RALGAPA2: variants seen among roughly 807,000 people sequenced by gnomAD.
The protein encoded by RALGAPA2 is Ral GTPase activating protein catalytic subunit alpha 2.
In RALGAPA2, 139 loss-of-function variants were observed where a neutral mutation model predicts 230.4. The observed-to-expected ratio is 0.60, with a 90% confidence interval of 0.53 to 0.69. The LOEUF is 0.69. Among genes scored for constraint, RALGAPA2 ranks in the 30% least tolerant of loss-of-function variants. The pLI is 0.00. For missense variants in RALGAPA2, 2,163 were observed against 2,276.0 expected, an observed-to-expected ratio of 0.95 and a Z score of 1.01; for synonymous variants, 847 against 837.8, an observed-to-expected ratio of 1.01 and a Z score of -0.19.
intron 15 of RALGAPA2, among the ~76,000 whole-genome samples, chr20:20,603,490 T>C (rs2146222359): frequency 6.6e-6 from 1 of 152,296 alleles, no homozygotes; most frequent in Admixed American, 6.5e-5. Flanking sequence ...ACTTACTTGG[T>C]AGCAAAACTG....
At chr20:20,439,818 G>A (rs1249389766) in intron 37 of RALGAPA2, among the ~76,000 whole-genome samples, 2 of 152,186 alleles carry the variant, frequency 1.3e-5, no homozygotes, top group Admixed American at 1.3e-4. Flanking sequence ...ACAAGGTGCT[G>A]TTCAGCTGTA....
In RALGAPA2 at chr20:20,482,746, G is replaced by A. The variant is rs575684566; in HGVS notation, c.5368-9790C>T. 7.9e-5 allele frequency among the ~76,000 whole-genome samples: 12 copies of A among 152,282 alleles called. 1 individual carries two copies. In the East Asian group the frequency reaches 2.3e-3, roughly 29 times the overall value. On this transcript the variant is annotated intron_variant, in intron 36 of 39. Coordinates refer to ENST00000202677, the MANE Select transcript of RALGAPA2 (RefSeq NM_020343.4). ...TGAAGTCAGAGGTAGGGCCACAAAA[G>A]GAAGTGAGGCAGGCATAGAAGCCTA...
At chr20:20,474,370 C>A (rs2061604604) in intron 36 of RALGAPA2, among the ~76,000 whole-genome samples, 1 of 152,140 alleles carries the variant, frequency 6.6e-6, no homozygotes, top group African/African-American at 2.4e-5. Context: ...TTTAAGGGTT[C>A]TGGATTTCTG....
intron 33 of RALGAPA2, among the ~76,000 whole-genome samples, chr20:20,509,763 A>G (rs1312284924): frequency 6.6e-6 from 1 of 152,258 alleles, no homozygotes; most frequent in Non-Finnish European, 1.5e-5. Flanking sequence ...GGTCAATACA[A>G]ACAAATCCAT....
chr20:20,698,232 G>A (rs201301877), intron 1 of RALGAPA2, among the ~76,000 whole-genome samples: 3 of 151,846 alleles, frequency 2.0e-5, no homozygotes, highest in East Asian at 3.9e-4. Context: ...GCAAAATGCT[G>A]TTAATGTATT....
At chr20:20,685,579 G>C (rs1603243518) in intron 1 of RALGAPA2, among the ~76,000 whole-genome samples, 1 of 152,186 alleles carries the variant, frequency 6.6e-6, no homozygotes, top group African/African-American at 2.4e-5. Flanking sequence ...CCCCTGCTCT[G>C]GTCCTGCGAC....
At chr20:20,508,170 T>A (rs192213603) in intron 33 of RALGAPA2, among the ~76,000 whole-genome samples, 1 of 152,332 alleles carries the variant, frequency 6.6e-6, no homozygotes, top group African/African-American at 2.4e-5. Context: ...TAAACATTCA[T>A]CAAATTTCAC....
At chr20:20,664,003 C>A (rs1252917359) in intron 3 of RALGAPA2, among the ~76,000 whole-genome samples, 1 of 152,214 alleles carries the variant, frequency 6.6e-6, no homozygotes, top group Non-Finnish European at 1.5e-5. Context: ...TAGCTAGCAT[C>A]TACAGCATGG....
At chr20:20,663,919 T>C (rs143328709) in intron 3 of RALGAPA2, among the ~76,000 whole-genome samples, 224 of 152,082 alleles carry the variant, frequency 1.5e-3, no homozygotes, top group African/African-American at 5.2e-3. Flanking sequence ...AAATTAAGAG[T>C]TACCTGAACA....
Position 20,435,358 on chromosome 20 carries a change from C to T in RALGAPA2, c.5496-23210G>A, listed in dbSNP as rs183363913. ...GGTGTTCACCACCCTGGGCAGACAG[C>T]GCGTACTCTGCTAGATGCTGGGAGC... On this transcript the variant is annotated intron_variant, in intron 37 of 39. Transcript: ENST00000202677. 3.3e-5 allele frequency among the ~76,000 whole-genome samples: 5 copies of T among 152,294 alleles called. No homozygotes were observed. In the South Asian group the frequency reaches 6.2e-4, roughly 19 times the overall value.
rs569541490 is a variant in RALGAPA2 at position 20,569,869 on chromosome 20, T to C, written c.3156+1589A>G. On this transcript the variant is annotated intron_variant, in intron 23 of 39. Transcript: ENST00000202677. ...TAGTTGATTATTATTTCCAAGTAAA[T>C]TTTTTTTCCTGCAAAATATTAGCAT... 2.6e-5 allele frequency among the ~76,000 whole-genome samples: 4 copies of C among 152,156 alleles called. No individual in the cohort carries two copies. In the South Asian group the frequency reaches 8.3e-4, roughly 32 times the overall value.
chr20:20,601,921 A>T, intron 15 of RALGAPA2, 75 bp from the exon 16 acceptor site: 6 of 1,303,360 alleles, frequency 4.6e-6, no homozygotes, highest in Non-Finnish European at 5.1e-6. Flanking sequence ...TGCTCAGCAA[A>T]TGGTGTACCT....
chr20:20,417,632 T>A (rs6035622), intron 37 of RALGAPA2, among the ~76,000 whole-genome samples: 5 of 152,328 alleles, frequency 3.3e-5, no homozygotes, highest in African/African-American at 1.2e-4. Flanking sequence ...GACACAGACA[T>A]ATGGTTTTTT....
chr20:20,668,510 C>T (rs1485713109), intron 3 of RALGAPA2, among the ~76,000 whole-genome samples: 1 of 152,202 alleles, frequency 6.6e-6, no homozygotes, highest in Non-Finnish European at 1.5e-5. Context: ...GTCCTTGTCC[C>T]TCTTCCACTC....
intron 38 of RALGAPA2, among the ~76,000 whole-genome samples, chr20:20,411,616 C>A (rs892831614): frequency 6.6e-6 from 1 of 152,164 alleles, no homozygotes. Context: ...CCCTGACCTT[C>A]GAATCTCGGC....
intron 18 of RALGAPA2, among the ~76,000 whole-genome samples, chr20:20,587,202 G>A (rs1986015679): frequency 6.6e-6 from 1 of 152,156 alleles, no homozygotes; most frequent in African/African-American, 2.4e-5. Context: ...CGGATGGACA[G>A]AAGACTTCTC....
chr20:20,622,173 T>C (rs2066343757), intron 10 of RALGAPA2, among the ~76,000 whole-genome samples: 1 of 150,588 alleles, frequency 6.6e-6, no homozygotes, highest in Admixed American at 6.6e-5. Flanking sequence ...GAATGAACTA[T>C]GAAGAGATAA....
intron 36 of RALGAPA2, among the ~76,000 whole-genome samples, chr20:20,492,325 G>C (rs370343719): frequency 6.6e-6 from 1 of 151,972 alleles, no homozygotes; most frequent in East Asian, 1.9e-4. Flanking sequence ...GAAATACACA[G>C]GTGCTAAAAG....
intron 3 of RALGAPA2, among the ~76,000 whole-genome samples, chr20:20,654,713 G>A (rs923566963): frequency 2.2e-4 from 34 of 152,216 alleles, no homozygotes; most frequent in African/African-American, 8.2e-4. Context: ...TGGGAGTGCA[G>A]ATATCTCTTC....
Sources: gnomAD v4.1 joint callset for allele counts (sites outside exome capture counted in the v4.1 genomes callset) on GRCh38, gnomAD v4.1.1 for gene constraint, MANE v1.5 for transcripts, NCBI Gene and HGNC (gene_info 2026-07-23, HGNC 2026-07-21) for gene names.